CD44: variants seen among roughly 807,000 people sequenced by gnomAD.
CD44 encodes the protein CD44 antigen.
CD44 carries 49 observed loss-of-function variants against 88.8 expected under a neutral mutation model. The observed-to-expected ratio is 0.55, with a 90% CI of 0.44 to 0.70. The LOEUF is 0.70. CD44 is among the 30% of genes least tolerant of loss of function. CD44 has a pLI of 0.00. For synonymous variants in CD44, 325 were observed against 312.3 expected, an observed-to-expected ratio of 1.04 and a Z score of -0.43; for missense variants, 883 against 913.8, an observed-to-expected ratio of 0.97 and a Z score of 0.43.
intron 1 of CD44, among the ~76,000 whole-genome samples, chr11:35,170,993 A>T (rs1943814239): frequency 6.6e-6 from 1 of 152,202 alleles, no homozygotes; most frequent in South Asian, 2.1e-4. Flanking sequence ...GAAAATGAGG[A>T]TACTAATATT....
chr11:35,149,632 G>A (rs1324829819), intron 1 of CD44, among the ~76,000 whole-genome samples: 2 of 152,176 alleles, frequency 1.3e-5, no homozygotes, highest in African/African-American at 2.4e-5. Flanking sequence ...TGTGTAAAAT[G>A]CGAGGGTTGG....
At chr11:35,159,403 G>A (rs1296227371) in intron 1 of CD44, among the ~76,000 whole-genome samples, 2 of 152,144 alleles carry the variant, frequency 1.3e-5, no homozygotes, top group Admixed American at 6.5e-5. Flanking sequence ...TTTCATTAGA[G>A]TGTGATTTTG....
At chr11:35,159,246 C>T (rs184575029) in intron 1 of CD44, among the ~76,000 whole-genome samples, 7 of 152,308 alleles carry the variant, frequency 4.6e-5, no homozygotes, top group Non-Finnish European at 8.8e-5. Flanking sequence ...CCAAAAATAC[C>T]TTTAATTGCC....
rs1252183195 is a variant in CD44, at chr11:35,180,325, C to G, written c.285C>G (p.Ser95=). The change falls in exon 3 of 18, where the codon TCC becomes TCG. Residue 95 remains serine (S), a synonymous_variant. Transcript: ENST00000428726. The part of the protein sequence containing the change: ...HVVIPRIHPN[S]ICAANNTGVY... ...TGATTCCCCGGATCCACCCCAACTC[C>G]ATCTGTGCAGCAAACAACACAGGGG... 6.2e-7 allele frequency: 1 copy of G among 1,614,122 alleles called. No homozygotes were observed. Among genetic ancestry groups the G allele is most frequent in the Non-Finnish European group, 8.5e-7 (1 of 1,179,986 alleles).
intron 1 of CD44, among the ~76,000 whole-genome samples, chr11:35,172,879 T>A (rs1265724439): frequency 6.6e-6 from 1 of 151,956 alleles, no homozygotes; most frequent in African/African-American, 2.4e-5. Flanking sequence ...CTATGTATAG[T>A]TTTTTCATAG....
At chr11:35,205,795 C>T (rs1266783026) in intron 10 of CD44, 1 of 1,011,482 alleles carries the variant, frequency 9.9e-7, no homozygotes, top group Non-Finnish European at 1.2e-6. Context: ...GGGACTGTGG[C>T]AGCATGGCAT....
intron 1 of CD44, among the ~76,000 whole-genome samples, chr11:35,141,866 G>A (rs974307399): frequency 6.6e-6 from 1 of 152,190 alleles, no homozygotes; most frequent in Non-Finnish European, 1.5e-5. Context: ...GTGGCGAAGG[G>A]GAGAAGGAGG....
chr11:35,220,995 G>A (rs2065005), intron 16 of CD44, among the ~76,000 whole-genome samples: 10,083 of 152,034 alleles, frequency 0.066, 390 homozygotes, highest in Middle Eastern at 0.082. Context: ...TCCTGACCTC[G>A]TGATTCACCC....
intron 15 of CD44, 157 bp from the exon 16 acceptor site, chr11:35,219,159 A>T (rs1021655650): frequency 2.6e-5 from 16 of 619,640 alleles, no homozygotes; most frequent in Non-Finnish European, 4.4e-5. Flanking sequence ...TGGGGGGGAA[A>T]TCTTTTGTGT....
At chr11:35,174,855 G>C (rs1315217419) in intron 1 of CD44, among the ~76,000 whole-genome samples, 1 of 152,120 alleles carries the variant, frequency 6.6e-6, no homozygotes, top group African/African-American at 2.4e-5. Context: ...ACTGTTATAG[G>C]GATTAGAGAT....
intron 1 of CD44, among the ~76,000 whole-genome samples, chr11:35,163,770 G>T (rs1373026397): frequency 6.6e-6 from 1 of 152,138 alleles, no homozygotes; most frequent in African/African-American, 2.4e-5. Flanking sequence ...AACCCAAGAT[G>T]TTAAAACTAT....
In CD44 at chr11:35,201,113, A is replaced by T. The variant is rs768013679; in HGVS notation, c.954A>T (p.Thr318=). The change falls in exon 8 of 18, where the codon ACA becomes ACT. Residue 318 remains threonine (T), a synonymous_variant. Coordinates refer to ENST00000428726, the MANE Select transcript of CD44 (RefSeq NM_000610.4). ...ISTTPRAFDH[T]KQNQDWTQWN... Reference sequence around the variant, plus strand: ...CCACACCACGGGCTTTTGACCACACAAAACAGAACCAGGACTGGACCCAGT... The same window carrying T: ...CCACACCACGGGCTTTTGACCACACTAAACAGAACCAGGACTGGACCCAGT... 4 of 1,614,110 alleles carry T rather than the reference A, an allele frequency of 2.5e-6. No individual in the cohort carries two copies. The Admixed American group carries it at 6.7e-5, about 27-fold the overall frequency.
intron 10 of CD44, chr11:35,204,951 C>T (rs558687873): frequency 1.7e-4 from 45 of 259,954 alleles, no homozygotes; most frequent in Non-Finnish European, 2.9e-4. Flanking sequence ...GATAAAATAT[C>T]GCTGTCTGTT....
chr11:35,222,971 A>G, intron 17 of CD44: 1 of 985,412 alleles, frequency 1.0e-6, no homozygotes, highest in East Asian at 1.1e-4. Context: ...TAATTCCAAC[A>G]CCATGGGCAG....
chr11:35,223,849 G>A (rs1013852382), intron 17 of CD44, among the ~76,000 whole-genome samples: 3 of 152,186 alleles, frequency 2.0e-5, no homozygotes, highest in African/African-American at 7.2e-5. Flanking sequence ...ACATTTAAGA[G>A]AAAGAGATAC....
At chr11:35,217,875 C>G (rs1436956206) in intron 15 of CD44, among the ~76,000 whole-genome samples, 1 of 152,186 alleles carries the variant, frequency 6.6e-6, no homozygotes, top group Non-Finnish European at 1.5e-5. Context: ...TTTAAAAATT[C>G]ATGAAGCTTT....
chr11:35,168,682 T>TG (rs1565050615), intron 1 of CD44, among the ~76,000 whole-genome samples: 5 of 152,356 alleles, frequency 3.3e-5, no homozygotes, highest in Admixed American at 3.3e-4. Flanking sequence ...CAGGCACACC[T>TG]GGGTGGCTCA....
At chr11:35,164,409 CA>C (rs1392095315) in intron 1 of CD44, among the ~76,000 whole-genome samples, 3 of 152,208 alleles carry the variant, frequency 2.0e-5, no homozygotes, top group African/African-American at 7.2e-5. Context: ...CAATCTGACA[CA>C]AATTAGCAGC....
At chr11:35,148,236 T>C (rs1292743276) in intron 1 of CD44, among the ~76,000 whole-genome samples, 1 of 152,154 alleles carries the variant, frequency 6.6e-6, no homozygotes, top group Non-Finnish European at 1.5e-5. Context: ...TACATGCCAA[T>C]CACAGATGTT....
Sources: allele counts gnomAD v4.1 joint callset (sites outside exome capture counted in the v4.1 genomes callset), GRCh38; gene constraint gnomAD v4.1.1; transcripts MANE v1.5; gene names NCBI Gene and HGNC (gene_info 2026-07-23, HGNC 2026-07-21).